PKD1L1: variants seen among roughly 807,000 people sequenced by gnomAD.
PKD1L1 encodes polycystin-1-like protein 1.
A neutral mutation model predicts 323.4 loss-of-function variants in PKD1L1; 236 were observed. The observed-to-expected ratio is 0.73, with a 90% CI of 0.66 to 0.81. The LOEUF (loss-of-function observed/expected upper bound fraction) is 0.81. Ranked by LOEUF, PKD1L1 falls within the 40% of genes least tolerant of loss-of-function variation. The pLI is 0.00. For synonymous variants in PKD1L1, 1,344 were observed against 1,335.0 expected, an observed-to-expected ratio of 1.01 and a Z score of -0.15; for missense variants, 3,320 against 3,508.0, an observed-to-expected ratio of 0.95 and a Z score of 1.35.
At chr7:47,915,312 C>G in intron 8 of PKD1L1, 120 bp downstream of exon 8, 1 of 641,668 alleles carries the variant, frequency 1.6e-6, no homozygotes, top group Non-Finnish European at 2.8e-6. Context: ...GACACCGTAG[C>G]CCATAGAGTG....
In PKD1L1 at chr7:47,830,084, A is replaced by T. The variant is rs1785313927; in HGVS notation, c.6514T>A (p.Ser2172Thr). ...AAAATACAGCAGACCACGGAGAGGG[A>T]CAGCAGGTGCAGCCACTGCACACAT... The part of the protein sequence containing the change: ...EQCVQWLHLL[S>T]LSVVCCIFIT... Residue 2172 changes from serine to threonine, a missense_variant, in exon 43 of 57, where the codon TCC becomes ACC. Transcript: ENST00000289672. The T allele has an allele frequency of 6.2e-7, 1 of 1,613,970 alleles. No homozygotes were observed.
At chr7:47,894,085 A>T in intron 14 of PKD1L1, 26 bp from the exon 15 acceptor site, 1 of 1,526,462 alleles carries the variant, frequency 6.6e-7, no homozygotes, top group Non-Finnish European at 8.8e-7. Flanking sequence ...AGGACAGGGG[A>T]TGTCATGCAG....
chr7:47,840,444 G>T lies in PKD1L1; in HGVS notation c.5552+17C>A. 6.3e-7 allele frequency: 1 copy of T among 1,586,326 alleles called. No homozygotes were observed. The highest frequency in any genetic ancestry group is 1.1e-5 in the South Asian group (1 of 90,498). ...GCCTCTCTTTCCCAAATCTAGCAGT[G>T]AAATATTTTGGAATACCTCAGGATA... On this transcript the variant is annotated intron_variant, in intron 35 of 56. Transcript: ENST00000289672. This position sits in a 1 kb window ranked among gnomAD's most constrained non-coding sequence, Gnocchi z 4.1.
chr7:47,906,860 AAATT>A (rs1293605628), intron 9 of PKD1L1, among the ~76,000 whole-genome samples: 7 of 152,124 alleles, frequency 4.6e-5, no homozygotes, highest in Non-Finnish European at 7.3e-5. Flanking sequence ...GCATGCCTGA[AAATT>A]AATTCTGAGC....
At chr7:47,864,624 C>CTTTCTTTA (rs1786115815) in intron 26 of PKD1L1, among the ~76,000 whole-genome samples, 1 of 138,040 alleles carries the variant, frequency 7.2e-6, no homozygotes, top group Admixed American at 7.4e-5. Flanking sequence ...TTCTTTCTTT[C>CTTTCTTTA]TTTCTTTCTT....
At chr7:47,836,365 T>C (rs1785458333) in intron 37 of PKD1L1, among the ~76,000 whole-genome samples, 1 of 152,164 alleles carries the variant, frequency 6.6e-6, no homozygotes, top group African/African-American at 2.4e-5. Flanking sequence ...GTTGTCGTAG[T>C]AAACAAGTCA....
chr7:47,835,065 C>T, intron 38 of PKD1L1, 26 bp from the exon 39 acceptor site: 1 of 1,612,570 alleles, frequency 6.2e-7, no homozygotes, highest in Non-Finnish European at 8.5e-7. Context: ...GGTGGTTCGC[C>T]AAGCGTGTTC....
At chr7:47,907,144 G>A (rs1787222568) in intron 9 of PKD1L1, among the ~76,000 whole-genome samples, 1 of 151,510 alleles carries the variant, frequency 6.6e-6, no homozygotes, top group Admixed American at 6.5e-5. Flanking sequence ...CCTTCCATAT[G>A]TATGTCATAA....
chr7:47,959,152 G>A, the PKD1L1 span, among the ~76,000 whole-genome samples: 2 of 152,126 alleles, frequency 1.3e-5, no homozygotes, highest in African/African-American at 2.4e-5. Flanking sequence ...GGAGTGCAGT[G>A]GCGTGATCTC....
chr7:47,807,172 C>T (rs2348460), intron 52 of PKD1L1, among the ~76,000 whole-genome samples: 10,465 of 152,060 alleles, frequency 0.069, 462 homozygotes, highest in East Asian at 0.2. Context: ...TGTATTCTTT[C>T]ACTTCAGGAG....
At chr7:47,915,131 G>A (rs1482902569) in intron 8 of PKD1L1, among the ~76,000 whole-genome samples, 1 of 152,182 alleles carries the variant, frequency 6.6e-6, no homozygotes, top group African/African-American at 2.4e-5. Flanking sequence ...GAAAGAAAAG[G>A]AGCTTTTATC....
chr7:47,922,463 G>A (rs1338033805), intron 7 of PKD1L1, among the ~76,000 whole-genome samples: 1 of 152,048 alleles, frequency 6.6e-6, no homozygotes, highest in African/African-American at 2.4e-5. Context: ...TCTAGGAAGT[G>A]AGGAGCGTCT....
At chr7:47,923,123 C>G (rs1393004040) in intron 7 of PKD1L1, among the ~76,000 whole-genome samples, 1 of 152,018 alleles carries the variant, frequency 6.6e-6, no homozygotes, top group Admixed American at 6.6e-5. Flanking sequence ...TAAACAGATG[C>G]TTGAAGGCAG....
intron 11 of PKD1L1, 116 bp from the exon 12 acceptor site, chr7:47,904,733 T>C: frequency 7.8e-7 from 1 of 1,282,698 alleles, no homozygotes; most frequent in Non-Finnish European, 1.1e-6. Flanking sequence ...GGAGGCAGCA[T>C]TTAATTTGTA....
chr7:47,890,770 G>A lies in PKD1L1; in HGVS notation c.2454-7C>T. ...GGCGCATTCCCAGTGATACCTGTTG[G>A]AGAAGTCATCGGAGTGGCTGAGGGG... On this transcript the variant is annotated splice_polypyrimidine_tract_variant and splice_region_variant and intron_variant, in intron 15 of 56. Coordinates refer to ENST00000289672, the MANE Select transcript of PKD1L1 (RefSeq NM_138295.5). 3 of 1,611,700 alleles carry A rather than the reference G, an allele frequency of 1.9e-6. No individual in the cohort carries two copies. Among genetic ancestry groups the A allele is most frequent in the East Asian group, 2.2e-5 (1 of 44,870 alleles).
At chr7:47,818,124 A>G (rs1297774053) in intron 46 of PKD1L1, 1 of 1,367,712 alleles carries the variant, frequency 7.3e-7, no homozygotes, top group Non-Finnish European at 9.8e-7. Flanking sequence ...GAGCACCCAG[A>G]GGGTGGAATG....
intron 7 of PKD1L1, among the ~76,000 whole-genome samples, chr7:47,920,377 G>GA (rs1385213769): frequency 6.7e-6 from 1 of 149,750 alleles, no homozygotes; most frequent in South Asian, 2.1e-4. Flanking sequence ...AAAGAGTGCT[G>GA]AAAAAAAATC....
At chr7:47,902,676 G>A (rs1021169957) in intron 12 of PKD1L1, among the ~76,000 whole-genome samples, 165 bp from the exon 13 acceptor site, 1 of 152,210 alleles carries the variant, frequency 6.6e-6, no homozygotes, top group African/African-American at 2.4e-5. Flanking sequence ...GATTTCCACA[G>A]AGGTCTTTCA....
chr7:47,949,676 T>TGA (rs1295789271), upstream of PKD1L1, among the ~76,000 whole-genome samples: 26 of 152,302 alleles, frequency 1.7e-4, no homozygotes, highest in Admixed American at 4.6e-4. Context: ...TTAGAAAACT[T>TGA]AATGTTTTAC....
Sources: allele counts gnomAD v4.1 joint callset (sites outside exome capture counted in the v4.1 genomes callset), GRCh38; gene constraint gnomAD v4.1.1; non-coding constraint Gnocchi (gnomAD v3.1); transcripts MANE v1.5; gene names NCBI Gene and HGNC (gene_info 2026-07-23, HGNC 2026-07-21).